Variants in LAMA2 observed in about 807,000 individuals in gnomAD.
LAMA2 encodes the protein laminin subunit alpha 2.
Under a neutral mutation model 364.8 loss-of-function variants are expected in LAMA2, and 269 were observed. The observed-to-expected ratio is 0.74, with a 90% CI of 0.67 to 0.82. The LOEUF (loss-of-function observed/expected upper bound fraction) is 0.82, where lower values mean the gene tolerates loss of function less well. Ranked by LOEUF, LAMA2 falls within the 40% of genes least tolerant of loss-of-function variation. The pLI, the probability that LAMA2 is intolerant of heterozygous loss-of-function variation, is 0.00. For synonymous variants in LAMA2, 1,379 were observed against 1,370.6 expected, an observed-to-expected ratio of 1.01 and a Z score of -0.14; for missense variants, 3,807 against 3,873.2, an observed-to-expected ratio of 0.98 and a Z score of 0.45.
At chr6:129,424,312 C>A (rs1781220529) in intron 40 of LAMA2, among the ~76,000 whole-genome samples, 1 of 150,594 alleles carries the variant, frequency 6.6e-6, no homozygotes, top group Non-Finnish European at 1.5e-5. Context: ...TTGGGTAAAG[C>A]AAAGATTCTT....
chr6:129,464,495 G>A (rs752079539), intron 50 of LAMA2, 43 bp downstream of exon 50: 53 of 1,502,948 alleles, frequency 3.5e-5, no homozygotes, highest in Admixed American at 2.3e-4. Context: ...ACTAAAATGC[G>A]TTTGCTTCTT....
At chr6:129,017,936 A>C (rs1156587292) in intron 1 of LAMA2, among the ~76,000 whole-genome samples, 1 of 152,028 alleles carries the variant, frequency 6.6e-6, no homozygotes, top group Non-Finnish European at 1.5e-5. Flanking sequence ...GTAGGTCTAA[A>C]TATATGCACA....
At chr6:129,423,698 T>C (rs1419643702) in intron 40 of LAMA2, among the ~76,000 whole-genome samples, 1 of 151,990 alleles carries the variant, frequency 6.6e-6, no homozygotes, top group African/African-American at 2.4e-5. Context: ...AAGGTTACAG[T>C]TTACAATAGC....
chr6:129,181,257 A>T (rs1318010720), intron 10 of LAMA2, among the ~76,000 whole-genome samples: 2 of 152,142 alleles, frequency 1.3e-5, no homozygotes, highest in Non-Finnish European at 2.9e-5. Flanking sequence ...AAAGTACACA[A>T]AAGGAAAATA....
intron 15 of LAMA2, among the ~76,000 whole-genome samples, chr6:129,266,577 C>A (rs545469702): frequency 6.6e-6 from 1 of 152,058 alleles, no homozygotes; most frequent in South Asian, 2.1e-4. Flanking sequence ...TGTATGTGGT[C>A]AAATATAAGT....
rs192504731 is a variant in LAMA2, at chr6:128,910,723, G to C, written c.112+27366G>C. ...AGGAGGAGAGGCGCTCTGCTTTTTAGAGTTTCCAGTTTTTCTGTTCTGTTT... is the reference window on the plus strand; with the variant it reads ...AGGAGGAGAGGCGCTCTGCTTTTTACAGTTTCCAGTTTTTCTGTTCTGTTT... On this transcript the variant is annotated intron_variant, in intron 1 of 64. Coordinates refer to ENST00000421865, the MANE Select transcript of LAMA2 (RefSeq NM_000426.4). Among the ~76,000 whole-genome samples, 1,263 of 152,076 alleles carry C rather than the reference G, an allele frequency of 8.3e-3. 7 individuals carry two copies. Among genetic ancestry groups the C allele is most frequent in the Non-Finnish European group, 0.013 (892 of 67,992 alleles).
At chr6:129,157,605 T>C in intron 8 of LAMA2, 1 of 1,612,454 alleles carries the variant, frequency 6.2e-7, no homozygotes, top group South Asian at 1.1e-5. Flanking sequence ...GGCTGGATTG[T>C]GGGCCCAGCA....
rs117157356 is a variant in LAMA2, at chr6:129,389,517, C to T, written c.5072-1974C>T. On this transcript the variant is annotated intron_variant, in intron 35 of 64. Transcript: ENST00000421865. ...TAAGAGCACTAATTTCATTCTTGCC[C>T]TTATGACCTAATCTCCTCTCAAAGG... Among the ~76,000 whole-genome samples, 666 of 152,240 alleles carry T rather than the reference C, an allele frequency of 4.4e-3. 4 individuals are homozygous for T. The highest frequency in any genetic ancestry group is 7.5e-3 in the Non-Finnish European group (508 of 68,012).
At chr6:129,122,874 G>C (rs1257009341) in intron 4 of LAMA2, among the ~76,000 whole-genome samples, 1 of 152,140 alleles carries the variant, frequency 6.6e-6, no homozygotes, top group East Asian at 1.9e-4. Flanking sequence ...GAACAAAAAG[G>C]ACGAGGCAAT....
chr6:129,331,637 T>C (rs1379153584), intron 29 of LAMA2, among the ~76,000 whole-genome samples: 2 of 151,948 alleles, frequency 1.3e-5, no homozygotes, highest in African/African-American at 4.8e-5. Flanking sequence ...TAATCTCTCC[T>C]CCTTCTTATA....
intron 4 of LAMA2, among the ~76,000 whole-genome samples, chr6:129,122,330 C>T (rs1776847552): frequency 6.6e-6 from 1 of 152,168 alleles, no homozygotes. Context: ...CCAGCATAGA[C>T]ATTTTTGTTT....
At chr6:129,097,159 A>C (rs1775236266) in intron 3 of LAMA2, among the ~76,000 whole-genome samples, 1 of 152,222 alleles carries the variant, frequency 6.6e-6, no homozygotes, top group Admixed American at 6.5e-5. Context: ...TTTACTAGTC[A>C]AGAACATATC....
intron 3 of LAMA2, among the ~76,000 whole-genome samples, 168 bp downstream of exon 3, chr6:129,060,064 C>G (rs577263604): frequency 3.4e-4 from 52 of 152,182 alleles, no homozygotes; most frequent in Non-Finnish European, 5.7e-4. Flanking sequence ...TTGTTATTTA[C>G]GAGTATTCAG....
intron 34 of LAMA2, among the ~76,000 whole-genome samples, chr6:129,379,488 G>GA (rs2114646616): frequency 6.6e-6 from 1 of 152,172 alleles, no homozygotes; most frequent in African/African-American, 2.4e-5. Context: ...TGATGCTTTT[G>GA]GTGCCGGGAA....
intron 45 of LAMA2, among the ~76,000 whole-genome samples, chr6:129,448,191 G>A (rs1189869393): frequency 6.6e-6 from 1 of 152,058 alleles, no homozygotes; most frequent in African/African-American, 2.4e-5. Flanking sequence ...GAGATGAGGT[G>A]GGAGGATCAC....
intron 12 of LAMA2, among the ~76,000 whole-genome samples, chr6:129,199,944 TG>T (rs1171169008): frequency 6.6e-6 from 1 of 151,508 alleles, no homozygotes; most frequent in Admixed American, 6.6e-5. Flanking sequence ...CCAGGTGTGG[TG>T]ACAAACGCCT....
chr6:129,280,485 T>C (rs113153752), intron 18 of LAMA2, among the ~76,000 whole-genome samples: 28 of 152,170 alleles, frequency 1.8e-4, no homozygotes, highest in African/African-American at 6.8e-4. Context: ...GTAGGCACCA[T>C]TTATTTTTCA....
chr6:129,480,076 C>G (rs1380467759), intron 54 of LAMA2, among the ~76,000 whole-genome samples: 2 of 152,114 alleles, frequency 1.3e-5, no homozygotes, highest in African/African-American at 4.8e-5. Context: ...TTGCAGTAAC[C>G]AGGAATTATT....
At chr6:129,233,057 A>G (rs144934671) in intron 12 of LAMA2, among the ~76,000 whole-genome samples, 1 of 152,246 alleles carries the variant, frequency 6.6e-6, no homozygotes, top group East Asian at 1.9e-4. Context: ...TGAATGAACA[A>G]GGAGATAGAT....
Sources: allele counts gnomAD v4.1 joint callset (sites outside exome capture counted in the v4.1 genomes callset), GRCh38; gene constraint gnomAD v4.1.1; transcripts MANE v1.5; gene names NCBI Gene and HGNC (gene_info 2026-07-23, HGNC 2026-07-21).